Variants in TSPAN14 observed in about 807,000 individuals in gnomAD.
The protein encoded by TSPAN14 is tetraspanin 14, also known as tetraspanin-14.
In TSPAN14, 16 loss-of-function variants were observed where a neutral mutation model predicts 36.6. The ratio of observed to expected loss-of-function variants is 0.44; its 90% confidence interval spans 0.30 to 0.66. The LOEUF (loss-of-function observed/expected upper bound fraction) is 0.66, where lower values mean the gene tolerates loss of function less well. Among genes scored for constraint, TSPAN14 ranks in the 30% least tolerant of loss-of-function variants. TSPAN14 has a pLI of 0.12. For synonymous variants in TSPAN14, 139 were observed against 143.8 expected (o/e 0.97, Z 0.24); for missense variants, 231 against 355.1 (o/e 0.65, Z 2.81).
chr10:80,478,961 C>A (rs951555017), intron 1 of TSPAN14, among the ~76,000 whole-genome samples: 6 of 152,062 alleles, frequency 3.9e-5, no homozygotes, highest in African/African-American at 1.4e-4. Context: ...CTGTTGTTTC[C>A]TGACTTTTTA....
intron 2 of TSPAN14, among the ~76,000 whole-genome samples, chr10:80,498,649 G>C (rs779001750): frequency 6.6e-6 from 1 of 152,184 alleles, no homozygotes; most frequent in Non-Finnish European, 1.5e-5. Context: ...CTGTCTTCAG[G>C]ACAGCAGATG....
chr10:80,513,901 G>T, intron 6 of TSPAN14, 118 bp from the exon 7 acceptor site: 1 of 823,636 alleles, frequency 1.2e-6, no homozygotes, highest in South Asian at 1.5e-5. Context: ...TGAAGGACAT[G>T]AGCTGTAATG....
chr10:80,493,322 G>A (rs892149133), intron 2 of TSPAN14, among the ~76,000 whole-genome samples: 1 of 152,176 alleles, frequency 6.6e-6, no homozygotes. Context: ...GTAAAATGGT[G>A]CAATTGCTAT....
chr10:80,465,698 G>A (rs747164267), intron 1 of TSPAN14, among the ~76,000 whole-genome samples: 5 of 152,200 alleles, frequency 3.3e-5, no homozygotes, highest in Admixed American at 6.5e-5. Context: ...GTTAGCCTCC[G>A]GGTCTTTGGC....
intron 2 of TSPAN14, among the ~76,000 whole-genome samples, chr10:80,494,228 C>T (rs6586028): frequency 0.86 from 131,040 of 152,298 alleles, 56,833 homozygotes; most frequent in East Asian, 0.98. Context: ...TTCACCTCTG[C>T]GCAGCCTGTT....
At chr10:80,473,903 G>A (rs1400734128) in intron 1 of TSPAN14, among the ~76,000 whole-genome samples, 2 of 151,988 alleles carry the variant, frequency 1.3e-5, no homozygotes, top group African/African-American at 2.4e-5. Context: ...CAGAGGGTGA[G>A]ATTGCTGTGG....
exon 9 of TSPAN14, chr10:80,518,161 T>TA (rs896054901): frequency 3.2e-6 from 2 of 634,092 alleles, no homozygotes; most frequent in African/African-American, 3.7e-5. Flanking sequence ...TCCCCCTTGT[T>TA]ACCTGCCCAA....
chr10:80,520,302 C>T, exon 9 of TSPAN14: 1 of 301,156 alleles, frequency 3.3e-6, no homozygotes. Flanking sequence ...ACTATAGACC[C>T]TTCTGGCTGT....
chr10:80,505,905 G>A (rs956927295), intron 3 of TSPAN14, among the ~76,000 whole-genome samples: 3 of 152,248 alleles, frequency 2.0e-5, no homozygotes, highest in Admixed American at 2.0e-4. Flanking sequence ...TTGAGGACAG[G>A]CCTACCCAGG....
intron 1 of TSPAN14, among the ~76,000 whole-genome samples, chr10:80,473,986 G>A (rs567425843): frequency 1.3e-5 from 2 of 152,040 alleles, no homozygotes; most frequent in African/African-American, 2.4e-5. Context: ...TTTCATATTC[G>A]CCTGCCCCCT....
intron 1 of TSPAN14, among the ~76,000 whole-genome samples, chr10:80,469,281 A>G (rs1209602875): frequency 2.6e-5 from 4 of 152,202 alleles, no homozygotes; most frequent in Non-Finnish European, 5.9e-5. Flanking sequence ...ATCAGGTTGT[A>G]AATATTGTTT....
chr10:80,472,615 C>T (rs188836146), intron 1 of TSPAN14, among the ~76,000 whole-genome samples: 40 of 152,316 alleles, frequency 2.6e-4, no homozygotes, highest in Admixed American at 2.0e-3. Flanking sequence ...GTGTTGAATG[C>T]GATGATTTAA....
chr10:80,498,696 CT>C (rs768146620), intron 2 of TSPAN14, among the ~76,000 whole-genome samples: 23 of 152,230 alleles, frequency 1.5e-4, no homozygotes, highest in Non-Finnish European at 1.5e-5. Context: ...CACATCTCTG[CT>C]CTGTCTGCCG....
At chr10:80,504,007 G>A (rs1017829073) in intron 2 of TSPAN14, among the ~76,000 whole-genome samples, 1 of 152,176 alleles carries the variant, frequency 6.6e-6, no homozygotes, top group Non-Finnish European at 1.5e-5. Flanking sequence ...TGCACATGGG[G>A]TATGGGTTCC....
rs184661310 is a variant in TSPAN14 at position 80,479,118 on chromosome 10, G to T, written c.-17-10099G>T. ...TTGAGAAGTGTCTGTTCATGTCCTT[G>T]GCCCACTTTTTGATGGGGTTGTTTG... is the stretch of plus-strand genomic sequence containing the variant. On this transcript the variant is annotated intron_variant, in intron 1 of 8. Transcript: ENST00000429989. Among the ~76,000 whole-genome samples, 534 of 151,984 alleles carry T rather than the reference G, an allele frequency of 3.5e-3. 4 individuals are homozygous for T. Among genetic ancestry groups the T allele is most frequent in the Middle Eastern group, 0.017 (5 of 294 alleles).
chr10:80,455,370 A>C (rs901006662), intron 1 of TSPAN14, among the ~76,000 whole-genome samples: 2 of 152,104 alleles, frequency 1.3e-5, no homozygotes, highest in Admixed American at 6.5e-5. Flanking sequence ...CCGGGAGGTC[A>C]GGCGGTGCTG....
exon 9 of TSPAN14, chr10:80,519,537 T>C (rs751357337): frequency 1.5e-4 from 22 of 142,852 alleles, no homozygotes; most frequent in Non-Finnish European, 2.6e-4. Context: ...TACACAATTC[T>C]CTGTAGACTA....
chr10:80,516,746 C>T (rs1840961914), intron 8 of TSPAN14, among the ~76,000 whole-genome samples: 1 of 152,220 alleles, frequency 6.6e-6, no homozygotes, highest in South Asian at 2.1e-4. Flanking sequence ...GCCTGAGGCT[C>T]ACGTGTGTGC....
intron 1 of TSPAN14, among the ~76,000 whole-genome samples, chr10:80,459,044 C>T (rs1226227103): frequency 6.6e-6 from 1 of 151,958 alleles, no homozygotes; most frequent in African/African-American, 2.4e-5. Flanking sequence ...TCAAGTCTGC[C>T]TTTTCTGTCT....
Sources: gnomAD v4.1 joint callset for allele counts (sites outside exome capture counted in the v4.1 genomes callset) on GRCh38, gnomAD v4.1.1 for gene constraint, MANE v1.5 for transcripts, NCBI Gene and HGNC (gene_info 2026-07-23, HGNC 2026-07-21) for gene names.